The following TRIM65 variants were observed in gnomAD, a reference collection of about 807,000 sequenced individuals.
TRIM65 encodes the protein tripartite motif containing 65, also known as E3 ubiquitin-protein ligase TRIM65.
TRIM65 carries 46 observed loss-of-function variants against 36.1 expected under a neutral mutation model. The ratio of observed to expected loss-of-function variants is 1.27; its 90% CI spans 1.01 to 1.63. The LOEUF is 1.63. TRIM65 is among the 40% of genes most tolerant of loss of function. The pLI, the probability that TRIM65 is intolerant of heterozygous loss-of-function variation, is 0.00. For synonymous variants in TRIM65, 346 were observed against 313.6 expected, an observed-to-expected ratio of 1.10 and a Z score of -1.09; for missense variants, 708 against 696.6, an observed-to-expected ratio of 1.02 and a Z score of -0.18.
Position 75,896,571 on chromosome 17 carries a change from G to A in TRIM65, c.367C>T (p.Arg123Cys). 7.3e-7 allele frequency: 1 copy of A among 1,361,860 alleles called. No homozygotes were observed. Among genetic ancestry groups the A allele is most frequent in the Non-Finnish European group, 9.4e-7 (1 of 1,058,948 alleles). The allele number at this position is 1,361,860 out of a possible 1,614,324, so 84.4% of individuals were successfully genotyped here. A position where few individuals can be genotyped will look rare whatever the true frequency, so the allele number is the denominator to read the frequency against. ...TCCAGCAGCGCCCGCTCGTGGAGGCGACACTCGCGCACGGTGCACACGCTG... is the reference window on the plus strand; with the variant it reads ...TCCAGCAGCGCCCGCTCGTGGAGGCAACACTCGCGCACGGTGCACACGCTG... ...VCSVCTVREC[R>C]LHERALLDAE... The change falls in exon 1 of 6, where the codon CGC (arginine) becomes TGC (cysteine). Residue 123 changes from arginine (R) to cysteine (C), a missense_variant. By Grantham distance (180) the Arg-to-Cys change is radical. Coordinates refer to ENST00000269383, the MANE Select transcript of TRIM65 (RefSeq NM_173547.4).
At chr17:75,893,100 G>C (rs1280648311) in intron 1 of TRIM65, among the ~76,000 whole-genome samples, 5 of 152,242 alleles carry the variant, frequency 3.3e-5, no homozygotes, top group Non-Finnish European at 7.3e-5. Flanking sequence ...CTTGGGCTCA[G>C]GACCCAACTT....
At chr17:75,880,167 G>A (rs530209055), downstream of TRIM65, among the ~76,000 whole-genome samples, 1 of 150,822 alleles carries the variant, frequency 6.6e-6, no homozygotes, top group South Asian at 2.1e-4. Context: ...GTGCTGCAGC[G>A]TGGCTTCCTT....
Position 75,892,132 on chromosome 17 carries a change from C to A in TRIM65, c.798G>T (p.Gln266His), listed in dbSNP as rs1460638675. Reference protein sequence around the residue: ...PGPLGPLTPLQWDEDQQLGDL... With the variant: ...PGPLGPLTPLHWDEDQQLGDL... ...CACCCAGCTGTTGGTCTTCATCCCA[C>A]TGCAGAGGGGTCAGTGGCCCAAGAG... The change falls in exon 4 of 6, where the codon CAG (glutamine) becomes CAT (histidine). Residue 266 changes from glutamine to histidine, a missense_variant. Transcript: ENST00000269383. 6 of 1,565,058 alleles carry A rather than the reference C, an allele frequency of 3.8e-6. No individual in the cohort carries two copies. Among genetic ancestry groups the A allele is most frequent in the Non-Finnish European group, 4.3e-6 (5 of 1,154,562 alleles).
At position 75,896,938 on chromosome 17, in the gene TRIM65, G is replaced by A. The variant is rs1266918210; in HGVS notation, c.-1C>T. ...TCTCCTCCAGCAGCTGCGCGGCCAT[G>A]GCCCGGCGGCGGCGAGAGCCAGGCG... On this transcript the variant is annotated 5_prime_UTR_variant, in exon 1 of 6. Coordinates refer to ENST00000269383, the MANE Select transcript of TRIM65 (RefSeq NM_173547.4). The A allele has an allele frequency of 4.0e-6, 6 of 1,489,958 alleles. No homozygotes were observed. The highest frequency in any genetic ancestry group is 5.8e-5 in the East Asian group (2 of 34,664). 92.3% of individuals were successfully genotyped at this position (1,489,958 alleles called of 1,614,324 possible).
downstream of TRIM65, among the ~76,000 whole-genome samples, chr17:75,880,142 CTG>C (rs1310097724): frequency 6.6e-6 from 1 of 150,694 alleles, no homozygotes; most frequent in Admixed American, 6.6e-5. Flanking sequence ...GAAAGAAATG[CTG>C]TGTTTCAGTA....
rs887330165 is a variant in TRIM65 at position 75,890,306 on chromosome 17, C to G, written c.*473G>C. The G allele has an allele frequency of 1.3e-5, 2 of 153,544 alleles. No individual in the cohort carries two copies. The highest frequency in any genetic ancestry group is 4.8e-5 in the African/African-American group (2 of 41,472). 9.5% of individuals were successfully genotyped at this position (153,544 alleles called of 1,614,324 possible). A position where few individuals can be genotyped will look rare whatever the true frequency, so the allele number is the denominator to read the frequency against. On this transcript the variant is annotated 3_prime_UTR_variant, in exon 6 of 6. Coordinates refer to ENST00000269383, the MANE Select transcript of TRIM65 (RefSeq NM_173547.4). ...AAAATAAAAAGACTACAAGACAGGACGGACGTCTCTCCAAATGTTACAAAA... is the reference window on the plus strand; with the variant it reads ...AAAATAAAAAGACTACAAGACAGGAGGGACGTCTCTCCAAATGTTACAAAA...
chr17:75,896,803 CT>C lies in TRIM65; in HGVS notation c.134del (p.Lys45ArgfsTer97), dbSNP rs1452494570. On this transcript the variant is annotated frameshift_variant, in exon 1 of 6. Coordinates refer to ENST00000269383, the MANE Select transcript of TRIM65 (RefSeq NM_173547.4). LOFTEE classifies it high-confidence loss of function. ...CIRDWWDRCG[K>X]ACPECREPFP... Reference sequence around the variant, plus strand: ...AGGGCTCCCGGCACTCGGGGCACGCCTTTCCGCAGCGGTCCCACCAGTCCCG... The same window carrying C: ...AGGGCTCCCGGCACTCGGGGCACGCCTTCCGCAGCGGTCCCACCAGTCCCG... 1.3e-6 allele frequency: 2 copies of C among 1,512,004 alleles called. No homozygotes were observed. Among genetic ancestry groups the C allele is most frequent in the African/African-American group, 1.4e-5 (1 of 69,592 alleles). 93.7% of individuals were successfully genotyped at this position (1,512,004 alleles called of 1,614,324 possible). A position where few individuals can be genotyped will look rare whatever the true frequency, so the allele number is the denominator to read the frequency against.
chr17:75,886,143 A>G (rs182738785), downstream of TRIM65, among the ~76,000 whole-genome samples: 41 of 152,256 alleles, frequency 2.7e-4, no homozygotes, highest in Non-Finnish European at 5.0e-4. Context: ...CCTGCCTGCC[A>G]CCATATGAGA....
At chr17:75,896,187 A>T (rs1043584988) in intron 1 of TRIM65, among the ~76,000 whole-genome samples, 2 of 152,178 alleles carry the variant, frequency 1.3e-5, no homozygotes, top group African/African-American at 2.4e-5. Context: ...TCCCGAGTAG[A>T]TGGGACTACA....
chr17:75,888,707 G>T (rs1372485450), downstream of TRIM65, among the ~76,000 whole-genome samples: 2 of 152,168 alleles, frequency 1.3e-5, no homozygotes, highest in Non-Finnish European at 2.9e-5. Context: ...CTGGCTGTGG[G>T]GCTGCACATG....
chr17:75,886,166 C>T (rs543811440), downstream of TRIM65, among the ~76,000 whole-genome samples: 31 of 152,168 alleles, frequency 2.0e-4, no homozygotes, highest in Admixed American at 5.9e-4. Context: ...TGCCTTTGCT[C>T]CTCCTTCGCT....
In TRIM65 at chr17:75,890,507, A is replaced by T; in HGVS notation, c.*272T>A. 1 of 350,346 alleles carries T rather than the reference A, an allele frequency of 2.9e-6. No individual in the cohort carries two copies. Among genetic ancestry groups the T allele is most frequent in the Non-Finnish European group, 5.1e-6 (1 of 196,672 alleles). The allele number at this position is 350,346 out of a possible 1,614,324, so 21.7% of individuals were successfully genotyped here. On this transcript the variant is annotated 3_prime_UTR_variant, in exon 6 of 6. Transcript: ENST00000269383. ...CTGTAAGCCCAGAAGTCCCCTGGGC[A>T]CTGCTCTCGCCTCCCAGGCCCAGAC...
At chr17:75,896,426 G>C in intron 1 of TRIM65, 98 bp downstream of exon 1, 3 of 1,219,890 alleles carry the variant, frequency 2.5e-6, no homozygotes, top group Non-Finnish European at 3.1e-6. Context: ...CGCCCCCGCC[G>C]GGTGCCCGAG....
chr17:75,882,711 A>T (rs755245324), intron 4 of TRIM65, among the ~76,000 whole-genome samples: 1 of 150,718 alleles, frequency 6.6e-6, no homozygotes, highest in Non-Finnish European at 1.5e-5. Flanking sequence ...GATAGGTACC[A>T]TGTCTTGCCA....
chr17:75,882,246 C>T (rs111265650), intron 4 of TRIM65, among the ~76,000 whole-genome samples: 4,219 of 150,266 alleles, frequency 0.028, 504 homozygotes, highest in African/African-American at 0.099. Context: ...CTCGCTCTGT[C>T]GCCCAGGCTG....
At chr17:75,896,247 G>A (rs1433087603) in intron 1 of TRIM65, among the ~76,000 whole-genome samples, 1 of 152,184 alleles carries the variant, frequency 6.6e-6, no homozygotes, top group African/African-American at 2.4e-5. Context: ...AGTAGAGACC[G>A]GGTTTCACCG....
chr17:75,884,422 G>A (rs571448559), downstream of TRIM65, among the ~76,000 whole-genome samples: 1 of 152,206 alleles, frequency 6.6e-6, no homozygotes, highest in African/African-American at 2.4e-5. Flanking sequence ...TCATGCCATT[G>A]CACTCCAGCC....
intron 4 of TRIM65, among the ~76,000 whole-genome samples, chr17:75,882,496 A>C (rs998083054): frequency 1.3e-5 from 2 of 150,626 alleles, no homozygotes; most frequent in Non-Finnish European, 2.9e-5. Flanking sequence ...GACGTGAGCC[A>C]CCGCGCCCAG....
chr17:75,896,527 G>T lies in TRIM65; in HGVS notation c.411C>A (p.Arg137=). The change falls in exon 1 of 6, where the codon CGC becomes CGA. Residue 137 remains arginine, a synonymous_variant. Coordinates refer to ENST00000269383, the MANE Select transcript of TRIM65 (RefSeq NM_173547.4). ...CCGCTCCCGGCGGATGCGTCACCTC[G>T]CGCTTGAGGCGCTCGGCATCCAGCA... ...RALLDAERLK[R]EAQLRASLEV... 1 of 1,327,726 alleles carries T rather than the reference G, an allele frequency of 7.5e-7. No individual in the cohort carries two copies. Among genetic ancestry groups the T allele is most frequent in the Non-Finnish European group, 9.6e-7 (1 of 1,040,660 alleles). The allele number at this position is 1,327,726 out of a possible 1,614,324, so 82.2% of individuals were successfully genotyped here.
Sources: allele counts gnomAD v4.1 joint callset (sites outside exome capture counted in the v4.1 genomes callset), GRCh38; gene constraint gnomAD v4.1.1; transcripts MANE v1.5; gene names NCBI Gene and HGNC (gene_info 2026-07-23, HGNC 2026-07-21).